The following RFX7 variants were observed in gnomAD, a reference collection of about 807,000 sequenced individuals.
RFX7 encodes the protein DNA-binding protein RFX7.
Under a neutral mutation model 111.8 loss-of-function variants are expected in RFX7, and 26 were observed. The observed-to-expected ratio is 0.23, with a 90% confidence interval of 0.17 to 0.32. The LOEUF (loss-of-function observed/expected upper bound fraction) is 0.32, where lower values mean the gene tolerates loss of function less well. Ranked by LOEUF, RFX7 falls within the 10% of genes least tolerant of loss-of-function variation. The pLI, the probability that RFX7 is intolerant of heterozygous loss-of-function variation, is 1.00. For missense variants in RFX7, 1,573 were observed against 1,772.9 expected, an observed-to-expected ratio of 0.89 and a Z score of 2.02; for synonymous variants, 624 against 624.4, an observed-to-expected ratio of 1.00 and a Z score of 0.01.
chr15:56,102,310 G>T (rs771646502), intron 6 of RFX7, 57 bp from the exon 7 acceptor site: 3 of 1,030,890 alleles, frequency 2.9e-6, no homozygotes, highest in Admixed American at 4.8e-5. Flanking sequence ...TATACAGACA[G>T]CACTTTAAAA....
chr15:56,108,396 A>G (rs1567010081), intron 5 of RFX7, among the ~76,000 whole-genome samples: 1 of 152,238 alleles, frequency 6.6e-6, no homozygotes, highest in African/African-American at 2.4e-5. Context: ...TTGGTTCAAC[A>G]TATGTAAATC....
At chr15:56,103,716 T>G in intron 5 of RFX7, 46 bp from the exon 6 acceptor site, 4 of 1,148,310 alleles carry the variant, frequency 3.5e-6, no homozygotes, top group Non-Finnish European at 5.1e-6. Context: ...AATTCAGAAT[T>G]ATATCGCAGG....
chr15:56,229,135 T>G (rs1263392623), intron 2 of RFX7, among the ~76,000 whole-genome samples: 1 of 152,192 alleles, frequency 6.6e-6, no homozygotes, highest in Non-Finnish European at 1.5e-5. Flanking sequence ...TTTCTGGTAT[T>G]TTCCATTTAA....
At chr15:56,236,241 C>A (rs1457008585) in intron 2 of RFX7, among the ~76,000 whole-genome samples, 2 of 151,990 alleles carry the variant, frequency 1.3e-5, no homozygotes, top group Non-Finnish European at 2.9e-5. Flanking sequence ...TATTTACAGT[C>A]GCAAAAAAAG....
chr15:56,218,594 C>T (rs1322546350), intron 2 of RFX7, among the ~76,000 whole-genome samples: 2 of 152,140 alleles, frequency 1.3e-5, no homozygotes, highest in African/African-American at 4.8e-5. Flanking sequence ...GCATCTAGGC[C>T]TCTAGAGGTG....
At chr15:56,226,984 T>C (rs1339520213) in intron 2 of RFX7, among the ~76,000 whole-genome samples, 1 of 152,198 alleles carries the variant, frequency 6.6e-6, no homozygotes, top group Admixed American at 6.5e-5. Context: ...CTCTTTGGTA[T>C]GTAAATTATC....
At chr15:56,098,003 C>A in intron 9 of RFX7, 78 bp downstream of exon 9, 2 of 1,369,054 alleles carry the variant, frequency 1.5e-6, no homozygotes, top group Non-Finnish European at 1.0e-6. Flanking sequence ...TACCTGCCTT[C>A]TTTTCATCTG....
At chr15:56,101,296 C>G (rs1385786940) in intron 8 of RFX7, 63 bp downstream of exon 8, 13 of 1,350,314 alleles carry the variant, frequency 9.6e-6, no homozygotes, top group Non-Finnish European at 1.3e-5. Context: ...TCTTCTTTTG[C>G]TACCAATTCT....
chr15:56,134,489 T>G (rs141999967), intron 5 of RFX7, among the ~76,000 whole-genome samples: 1 of 152,086 alleles, frequency 6.6e-6, no homozygotes. Flanking sequence ...AATAATTCTC[T>G]CCAATTCCAT....
intron 5 of RFX7, among the ~76,000 whole-genome samples, chr15:56,125,145 T>C (rs2042126680): frequency 6.6e-6 from 1 of 152,240 alleles, no homozygotes; most frequent in Non-Finnish European, 1.5e-5. Flanking sequence ...AGCGTCTTTG[T>C]CAAAAATCAG....
At chr15:56,187,641 A>G (rs1312794398) in intron 2 of RFX7, among the ~76,000 whole-genome samples, 1 of 152,162 alleles carries the variant, frequency 6.6e-6, no homozygotes, top group African/African-American at 2.4e-5. Flanking sequence ...CCCAGAAAGG[A>G]AAGTGCTCCA....
intron 5 of RFX7, among the ~76,000 whole-genome samples, chr15:56,108,152 T>C (rs2041856827): frequency 6.6e-6 from 1 of 152,200 alleles, no homozygotes. Flanking sequence ...TACCATTCCT[T>C]CTGAAACTAT....
chr15:56,139,688 C>T (rs1355692450), intron 5 of RFX7, among the ~76,000 whole-genome samples: 27 of 152,188 alleles, frequency 1.8e-4, no homozygotes, highest in Non-Finnish European at 2.8e-4. Flanking sequence ...GGAGGAGAGG[C>T]GCTCTGGTTT....
At chr15:56,109,093 C>T (rs12907263) in intron 5 of RFX7, among the ~76,000 whole-genome samples, 54,538 of 151,996 alleles carry the variant, frequency 0.36, 9,972 homozygotes, top group East Asian at 0.41. Context: ...CCTCTGATGC[C>T]GAGCCGAAGC....
chr15:56,162,966 C>T (rs918154536), intron 3 of RFX7, among the ~76,000 whole-genome samples: 4 of 152,028 alleles, frequency 2.6e-5, no homozygotes, highest in South Asian at 2.1e-4. Flanking sequence ...ACTCCAGTGC[C>T]GTATCACAAA....
intron 2 of RFX7, among the ~76,000 whole-genome samples, chr15:56,209,743 T>A (rs2043291553): frequency 6.6e-6 from 1 of 152,050 alleles, no homozygotes; most frequent in Non-Finnish European, 1.5e-5. Flanking sequence ...TGACGTTAAC[T>A]AAAAGTGGAC....
chr15:56,166,345 T>C (rs538049786), intron 3 of RFX7, among the ~76,000 whole-genome samples: 8 of 152,296 alleles, frequency 5.3e-5, no homozygotes, highest in African/African-American at 1.9e-4. Context: ...GGAACCAAAA[T>C]ATATAGCCCT....
intron 5 of RFX7, among the ~76,000 whole-genome samples, chr15:56,103,873 T>A (rs2041794039): frequency 6.6e-6 from 1 of 152,186 alleles, no homozygotes; most frequent in South Asian, 2.1e-4. Context: ...GGGTATATAG[T>A]CCTGCTTTCA....
chr15:56,130,644 A>G (rs1304244658), intron 5 of RFX7, among the ~76,000 whole-genome samples: 3 of 152,058 alleles, frequency 2.0e-5, no homozygotes, highest in African/African-American at 7.2e-5. Flanking sequence ...TAAGAAAAAA[A>G]CCCAAGAAAA....
Sources: gnomAD v4.1 joint callset for allele counts (sites outside exome capture counted in the v4.1 genomes callset) on GRCh38, gnomAD v4.1.1 for gene constraint, MANE v1.5 for transcripts, NCBI Gene and HGNC (gene_info 2026-07-23, HGNC 2026-07-21) for gene names.